Variants in SLC9A9 observed in about 807,000 individuals in gnomAD.
SLC9A9 encodes sodium/hydrogen exchanger 9.
In SLC9A9, 62 loss-of-function variants were observed where a neutral mutation model predicts 77.8. That is an observed-to-expected ratio of 0.80 (90% CI 0.65 to 0.98). The LOEUF (loss-of-function observed/expected upper bound fraction) is 0.98, where lower values mean the gene tolerates loss of function less well. Ranked by LOEUF, SLC9A9 falls within the 50% of genes least tolerant of loss-of-function variation. SLC9A9 has a pLI of 0.00. For synonymous variants in SLC9A9, 320 were observed against 283.5 expected, an observed-to-expected ratio of 1.13 and a Z score of -1.29; for missense variants, 775 against 774.9, an observed-to-expected ratio of 1.00 and a Z score of 0.00.
At chr3:143,757,901 G>T (rs2006977853) in intron 4 of SLC9A9, among the ~76,000 whole-genome samples, 1 of 152,106 alleles carries the variant, frequency 6.6e-6, no homozygotes, top group South Asian at 2.1e-4. Context: ...AAGATCAAAG[G>T]CAAGTCAATG....
chr3:143,330,296 G>A (rs2031730832), intron 14 of SLC9A9, among the ~76,000 whole-genome samples: 1 of 152,202 alleles, frequency 6.6e-6, no homozygotes, highest in Non-Finnish European at 1.5e-5. Context: ...GCGCCAAGAG[G>A]TAGACAGTGG....
intron 4 of SLC9A9, among the ~76,000 whole-genome samples, chr3:143,703,556 A>G (rs915787404): frequency 1.3e-5 from 2 of 152,128 alleles, no homozygotes; most frequent in South Asian, 4.1e-4. Context: ...TCTATGGAAT[A>G]CAGCAAAAGC....
At chr3:143,352,120 C>T (rs1328756086) in intron 14 of SLC9A9, among the ~76,000 whole-genome samples, 1 of 152,166 alleles carries the variant, frequency 6.6e-6, no homozygotes, top group Non-Finnish European at 1.5e-5. Context: ...ATGACTGACA[C>T]CCACTCGCTG....
At chr3:143,329,956 G>A (rs2031717525) in intron 14 of SLC9A9, among the ~76,000 whole-genome samples, 2 of 152,152 alleles carry the variant, frequency 1.3e-5, no homozygotes, top group Admixed American at 6.5e-5. Context: ...ACAGGAGGGA[G>A]GGTAATTAGG....
intron 14 of SLC9A9, among the ~76,000 whole-genome samples, chr3:143,333,500 G>A (rs944401785): frequency 9.2e-5 from 14 of 152,274 alleles, no homozygotes; most frequent in African/African-American, 3.4e-4. Context: ...CTCATAGCCA[G>A]CACCCGTGCT....
At chr3:143,359,021 C>A (rs939987908) in intron 14 of SLC9A9, among the ~76,000 whole-genome samples, 2 of 152,178 alleles carry the variant, frequency 1.3e-5, no homozygotes, top group Non-Finnish European at 2.9e-5. Context: ...GGGAGTGAGA[C>A]ACTCAGGCTG....
intron 4 of SLC9A9, among the ~76,000 whole-genome samples, chr3:143,701,201 G>C (rs1053163500): frequency 5.3e-5 from 8 of 152,100 alleles, no homozygotes; most frequent in Admixed American, 4.6e-4. Flanking sequence ...TCAAGTCCAG[G>C]CTGCAAAGAC....
At chr3:143,428,776 A>C (rs1003554672) in intron 12 of SLC9A9, among the ~76,000 whole-genome samples, 2 of 152,216 alleles carry the variant, frequency 1.3e-5, no homozygotes, top group Non-Finnish European at 1.5e-5. Flanking sequence ...TCCTGTTATT[A>C]GTGGCAACAC....
intron 4 of SLC9A9, among the ~76,000 whole-genome samples, chr3:143,759,358 G>A (rs2007034966): frequency 6.6e-6 from 1 of 151,950 alleles, no homozygotes; most frequent in Admixed American, 6.6e-5. Context: ...CAAGAATTTG[G>A]GATTAGTATA....
chr3:143,583,503 C>T (rs187376074), intron 6 of SLC9A9, among the ~76,000 whole-genome samples: 2 of 152,282 alleles, frequency 1.3e-5, no homozygotes, highest in Admixed American at 6.5e-5. Context: ...ATAGCTTAGG[C>T]AGTGTTAAGA....
chr3:143,318,217 T>C (rs1352136186), intron 14 of SLC9A9, among the ~76,000 whole-genome samples: 2 of 152,224 alleles, frequency 1.3e-5, no homozygotes, highest in Non-Finnish European at 2.9e-5. Flanking sequence ...ATAAATGTTC[T>C]TAAATACATT....
chr3:143,481,692 G>T lies in SLC9A9; in HGVS notation c.1315+11961C>A, dbSNP rs138137762. On this transcript the variant is annotated intron_variant, in intron 11 of 15. Coordinates refer to ENST00000316549, the MANE Select transcript of SLC9A9 (RefSeq NM_173653.4). The stretch of plus-strand genomic sequence containing the variant: ...TGTTAGAATGCAGATTTGGATTCAG[G>T]GCTTCTAATAAGCTTCTAAGGGATG... Among the ~76,000 whole-genome samples, 267 of 152,252 alleles carry T rather than the reference G, an allele frequency of 1.8e-3. 1 individual carries two copies. Among genetic ancestry groups the T allele is most frequent in the Non-Finnish European group, 2.9e-3 (197 of 68,024 alleles).
In SLC9A9 at chr3:143,431,072, C is replaced by T. The variant is rs188364176; in HGVS notation, c.1469+35965G>A. On this transcript the variant is annotated intron_variant, in intron 12 of 15. Coordinates refer to ENST00000316549, the MANE Select transcript of SLC9A9 (RefSeq NM_173653.4). ...AATAAGAACCTATTTGTTTAGGCCA[C>T]ATAGTTGGGCATTTTCTTGGCTTTA... 8.1e-4 allele frequency among the ~76,000 whole-genome samples: 123 copies of T among 152,282 alleles called. 1 individual carries two copies. The highest frequency in any genetic ancestry group is 3.1e-3 in the Admixed American group (48 of 15,296).
chr3:143,480,605 T>C (rs1048523993), intron 11 of SLC9A9, among the ~76,000 whole-genome samples: 1 of 152,180 alleles, frequency 6.6e-6, no homozygotes, highest in Non-Finnish European at 1.5e-5. Flanking sequence ...CCTACTCCCA[T>C]AGCTTTGCTC....
chr3:143,321,970 A>G (rs2108446721), intron 14 of SLC9A9, among the ~76,000 whole-genome samples: 1 of 152,248 alleles, frequency 6.6e-6, no homozygotes, highest in African/African-American at 2.4e-5. Context: ...CCCTAACTGG[A>G]TCATCTTTTC....
chr3:143,800,409 A>G (rs1304559875), intron 2 of SLC9A9, among the ~76,000 whole-genome samples: 2 of 152,148 alleles, frequency 1.3e-5, no homozygotes, highest in Non-Finnish European at 2.9e-5. Flanking sequence ...CAAGTCTTAC[A>G]AGTTAGTTCA....
chr3:143,846,554 G>A (rs994022438), intron 1 of SLC9A9, among the ~76,000 whole-genome samples: 2 of 151,446 alleles, frequency 1.3e-5, no homozygotes, highest in Non-Finnish European at 2.9e-5. Context: ...TCTTGTGCCC[G>A]TTAAGACCCT....
At chr3:143,635,482 T>A (rs892015394) in intron 6 of SLC9A9, among the ~76,000 whole-genome samples, 2 of 152,230 alleles carry the variant, frequency 1.3e-5, no homozygotes, top group African/African-American at 2.4e-5. Context: ...TCTTTGCTAT[T>A]GGGAATACAT....
Position 143,739,756 on chromosome 3 carries a change from G to A in SLC9A9, c.534-46449C>T, listed in dbSNP as rs570895548. On this transcript the variant is annotated intron_variant, in intron 4 of 15. Transcript: ENST00000316549. ...CCTTAAGCCACTGCCTGAACAACTAGACCAGTGGTTCTCAGTGTGCTCTCT... is the reference window on the plus strand; with the variant it reads ...CCTTAAGCCACTGCCTGAACAACTAAACCAGTGGTTCTCAGTGTGCTCTCT... Among the ~76,000 whole-genome samples, 9 of 152,256 alleles carry A rather than the reference G, an allele frequency of 5.9e-5. No homozygotes were observed. The South Asian group carries it at 1.9e-3, about 32-fold the overall frequency.
Sources: gnomAD v4.1 joint callset for allele counts (sites outside exome capture counted in the v4.1 genomes callset) on GRCh38, gnomAD v4.1.1 for gene constraint, MANE v1.5 for transcripts, NCBI Gene and HGNC (gene_info 2026-07-23, HGNC 2026-07-21) for gene names.